COL20A1: variants seen among roughly 807,000 people sequenced by gnomAD.
The protein encoded by COL20A1 is collagen type XX alpha 1 chain.
COL20A1 carries 164 observed loss-of-function variants against 152.9 expected under a neutral mutation model. That is an observed-to-expected ratio of 1.07 (90% CI 0.94 to 1.22). COL20A1 has a LOEUF of 1.22. Among genes scored for constraint, COL20A1 ranks in the 50% most tolerant of loss-of-function variants. The pLI, the probability that COL20A1 is intolerant of heterozygous loss-of-function variation, is 0.00. For missense variants in COL20A1, 1,873 were observed against 1,744.8 expected (o/e 1.07, Z -1.31); for synonymous variants, 864 against 756.0 (o/e 1.14, Z -2.34).
intron 35 of COL20A1, among the ~76,000 whole-genome samples, chr20:63,329,869 G>A (rs372416635): frequency 3.3e-5 from 5 of 150,308 alleles, no homozygotes; most frequent in African/African-American, 9.6e-5. Flanking sequence ...GTCACAGGGT[G>A]TGGGGTCACA....
chr20:63,328,331 C>T lies in COL20A1; in HGVS notation c.3614C>T (p.Ser1205Leu). The T allele has an allele frequency of 6.2e-7, 1 of 1,610,524 alleles. No individual in the cohort carries two copies. The highest frequency in any genetic ancestry group is 8.5e-7 in the Non-Finnish European group (1 of 1,178,470). ...CTGCTGACACCCCTCCTCCCCACAG[C>T]ACACGTGTCAAAGTTCGACTCCTTC... ...ATLYQLVSQA[S>L]HVSKFDSFHE... The change falls in exon 34 of 36, where the codon TCA (serine) becomes TTA (leucine). Residue 1205 changes from serine (S) to leucine (L), a missense_variant and splice_region_variant. By Grantham distance (145) the Ser-to-Leu change is moderately radical. Transcript: ENST00000358894.
At position 63,327,986 on chromosome 20, in the gene COL20A1, A is replaced by C. The variant is rs1225249004; in HGVS notation, c.3563A>C (p.Lys1188Thr). The part of the protein sequence containing the change: ...LPGPKGERGE[K>T]GEPQSLATLY... ...GGGCCCAAAGGGGAACGAGGAGAGA[A>C]GGTAAGTGAGGCTGAGATCTTTGGC... Residue 1188 changes from lysine (K) to threonine (T), a missense_variant and splice_region_variant, in exon 32 of 36, where the codon AAG (lysine) becomes ACG (threonine). Transcript: ENST00000358894. 4 of 1,608,830 alleles carry C rather than the reference A, an allele frequency of 2.5e-6. No homozygotes were observed. The East Asian group carries it at 8.9e-5, about 36-fold the overall frequency.
At chr20:63,330,487 C>T (rs931251928) in intron 35 of COL20A1, among the ~76,000 whole-genome samples, 9 of 152,138 alleles carry the variant, frequency 5.9e-5, no homozygotes, top group Admixed American at 1.3e-4. Context: ...AACAAGCAGC[C>T]TTGCTTCTCC....
chr20:63,315,431 C>A lies in COL20A1; in HGVS notation c.2516C>A (p.Ser839Tyr). 3 of 1,578,604 alleles carry A rather than the reference C, an allele frequency of 1.9e-6. No homozygotes were observed. Among genetic ancestry groups the A allele is most frequent in the Non-Finnish European group, 2.6e-6 (3 of 1,167,300 alleles). ...TGCCCAGCCCTCCGCCCTGACGGCT[C>A]CCTCCCAGGTGGGTCCTGCATGCCC... The part of the protein sequence containing the change: ...TACPALRPDG[S>Y]LPGFDLMVAF... Residue 839 changes from serine to tyrosine, a missense_variant, in exon 20 of 36, where the codon TCC becomes TAC. Physicochemically the swap from Ser to Tyr is moderately radical, Grantham distance 144. Coordinates refer to ENST00000358894, the MANE Select transcript of COL20A1 (RefSeq NM_020882.4).
At chr20:63,317,295 C>T (rs3803935) in intron 21 of COL20A1, among the ~76,000 whole-genome samples, 34,079 of 151,772 alleles carry the variant, frequency 0.22, 4,114 homozygotes, top group East Asian at 0.39. Context: ...AAGACCCCAT[C>T]TCTACAAATA....
chr20:63,306,555 C>T lies in COL20A1; in HGVS notation c.496+516C>T, dbSNP rs935003928. On this transcript the variant is annotated intron_variant, in intron 5 of 35. Transcript: ENST00000358894. This position sits in a 1 kb window ranked among gnomAD's most constrained non-coding sequence, Gnocchi z 6.9. ...CCCAGGAGTGGGATCAGGAGCAGAG[C>T]TGGTCCGGGGGCCCTGGAGGGAGGG... Among the ~76,000 whole-genome samples the T allele has an allele frequency of 1.3e-5, 2 of 152,094 alleles. No homozygotes were observed. The highest frequency in any genetic ancestry group is 6.5e-5 in the Admixed American group (1 of 15,284).
chr20:63,302,203 T>C (rs762850265), intron 3 of COL20A1, among the ~76,000 whole-genome samples: 2 of 152,256 alleles, frequency 1.3e-5, no homozygotes, highest in Non-Finnish European at 2.9e-5. Flanking sequence ...TCAATATGTT[T>C]CTCTAAAAGA....
At position 63,319,472 on chromosome 20, in the gene COL20A1, C is replaced by A; in HGVS notation, c.2807-15C>A. On this transcript the variant is annotated splice_polypyrimidine_tract_variant and intron_variant, in intron 22 of 35. Coordinates refer to ENST00000358894, the MANE Select transcript of COL20A1 (RefSeq NM_020882.4). The surrounding 1 kb of genome is among the most constrained non-coding windows in gnomAD (Gnocchi z 4.4). The stretch of plus-strand genomic sequence containing the variant: ...TTGCAGCCCGTTCTCACCTGCTCCA[C>A]CCCTTCCCTGGCAGCCGGGAAGAAG... The A allele has an allele frequency of 6.4e-6, 10 of 1,551,084 alleles. 1 individual carries two copies. The South Asian group carries it at 1.1e-4, about 17-fold the overall frequency.
intron 30 of COL20A1, 79 bp downstream of exon 30, chr20:63,326,228 C>A: frequency 9.1e-7 from 1 of 1,099,908 alleles, no homozygotes; most frequent in Non-Finnish European, 1.4e-6. Flanking sequence ...CCAGTCTGAA[C>A]ACCAGCTGCC....
intron 21 of COL20A1, among the ~76,000 whole-genome samples, chr20:63,318,740 ATCC>A (rs1459990392): frequency 2.6e-5 from 4 of 152,124 alleles, no homozygotes; most frequent in African/African-American, 7.2e-5. Flanking sequence ...CTTCTGTTGA[ATCC>A]TCCTCATTCA....
At chr20:63,327,904 G>T in intron 31 of COL20A1, 48 bp from the exon 32 acceptor site, 1 of 1,555,966 alleles carries the variant, frequency 6.4e-7, no homozygotes, top group Non-Finnish European at 8.7e-7. Flanking sequence ...GTCACGTGTG[G>T]TCTCAGGCCA....
rs867428087 is a variant in COL20A1 at position 63,308,421 on chromosome 20, G to A, written c.776-121G>A. 8.3e-5 allele frequency: 84 copies of A among 1,014,868 alleles called. 1 individual carries two copies. Among genetic ancestry groups the A allele is most frequent in the Admixed American group, 2.0e-4 (7 of 35,010 alleles). 62.9% of individuals were successfully genotyped at this position (1,014,868 alleles called of 1,614,324 possible). ...CCTCCCTGCTCCCTTGGGCTGCTGCGGGGCCTCCTGATACCCCACAAGGGA... is the reference window on the plus strand; with the variant it reads ...CCTCCCTGCTCCCTTGGGCTGCTGCAGGGCCTCCTGATACCCCACAAGGGA... On this transcript the variant is annotated intron_variant, in intron 7 of 35. Coordinates refer to ENST00000358894, the MANE Select transcript of COL20A1 (RefSeq NM_020882.4).
chr20:63,302,319 T>C (rs1035787321), intron 3 of COL20A1, among the ~76,000 whole-genome samples: 4 of 152,170 alleles, frequency 2.6e-5, no homozygotes, highest in Non-Finnish European at 5.9e-5. Context: ...TGCATGTCTT[T>C]TATTAATTAA....
rs1233126787 is a variant in COL20A1, at chr20:63,332,533, A to G, written c.*1817A>G. 1 of 152,262 alleles carries G rather than the reference A, an allele frequency of 6.6e-6. No homozygotes were observed. The highest frequency in any genetic ancestry group is 1.5e-5 in the Non-Finnish European group (1 of 68,066). The allele number at this position is 152,262 out of a possible 1,614,324, so 9.4% of individuals were successfully genotyped here. A position where few individuals can be genotyped will look rare whatever the true frequency, so the allele number is the denominator to read the frequency against. ...GCCCACAGGGCATCCAGAGCCTTCC[A>G]AAGGAGCCCCTCTCCTGGGGCTCTC... On this transcript the variant is annotated 3_prime_UTR_variant, in exon 36 of 36. Coordinates refer to ENST00000358894, the MANE Select transcript of COL20A1 (RefSeq NM_020882.4).
In COL20A1 at chr20:63,297,495, C is replaced by T. The variant is rs541837328; in HGVS notation, c.83-415C>T. Among the ~76,000 whole-genome samples the T allele has an allele frequency of 3.9e-5, 6 of 152,344 alleles. No homozygotes were observed. The South Asian group carries it at 1.0e-3, about 26-fold the overall frequency. ...AGCTCAGGGGACTCAGCTCAGGGCC[C>T]TGGGCAGGTTGCCAGCTGCTGTGTT... On this transcript the variant is annotated intron_variant, in intron 2 of 35. Coordinates refer to ENST00000358894, the MANE Select transcript of COL20A1 (RefSeq NM_020882.4).
rs373061458 is a variant in COL20A1, at chr20:63,310,338, G to A, written c.1264-43G>A. The A allele has an allele frequency of 4.1e-5, 66 of 1,602,674 alleles. 1 individual carries two copies. The highest frequency in any genetic ancestry group is 2.0e-4 in the East Asian group (9 of 44,370). Reference sequence around the variant, plus strand: ...GTTCCTGTCCTGCTCCCCATCCCCCGGCACCCCCCTTCCTGGCTCCGTCCT... The same window carrying A: ...GTTCCTGTCCTGCTCCCCATCCCCCAGCACCCCCCTTCCTGGCTCCGTCCT... On this transcript the variant is annotated intron_variant, in intron 10 of 35. Transcript: ENST00000358894.
intron 11 of COL20A1, among the ~76,000 whole-genome samples, chr20:63,310,858 C>T (rs77162800): frequency 0.019 from 2,941 of 152,186 alleles, 62 homozygotes; most frequent in African/African-American, 0.049. Context: ...GCCATGAGCC[C>T]GTCTGTAATA....
At position 63,308,584 on chromosome 20, in the gene COL20A1, C is replaced by T. The variant is rs368479169; in HGVS notation, c.818C>T (p.Ala273Val). The change falls in exon 8 of 36, where the codon GCG (alanine) becomes GTG (valine). Residue 273 changes from alanine to valine, a missense_variant. Coordinates refer to ENST00000358894, the MANE Select transcript of COL20A1 (RefSeq NM_020882.4). The part of the protein sequence containing the change: ...THVLGQNLQP[A>V]AGLRPEAAKV... Reference sequence around the variant, plus strand: ...GTGCTGGGGCAGAACCTGCAGCCGGCGGCTGGCCTCCGTCCAGAGGCAGCC... The same window carrying T: ...GTGCTGGGGCAGAACCTGCAGCCGGTGGCTGGCCTCCGTCCAGAGGCAGCC... The T allele has an allele frequency of 3.0e-5, 48 of 1,604,566 alleles. No individual in the cohort carries two copies. Among genetic ancestry groups the T allele is most frequent in the Non-Finnish European group, 3.3e-5 (39 of 1,176,392 alleles).
Position 63,331,923 on chromosome 20 carries a change from T to A in COL20A1, c.*1207T>A, listed in dbSNP as rs1029342672. Reference sequence around the variant, plus strand: ...AAACAGCTTCAGGGCAAACACTTCATCTATGATTCAACTGTTCCAGGAACT... The same window carrying A: ...AAACAGCTTCAGGGCAAACACTTCAACTATGATTCAACTGTTCCAGGAACT... On this transcript the variant is annotated 3_prime_UTR_variant, in exon 36 of 36. Coordinates refer to ENST00000358894, the MANE Select transcript of COL20A1 (RefSeq NM_020882.4). 1 of 152,136 alleles carries A rather than the reference T, an allele frequency of 6.6e-6. No individual in the cohort carries two copies. Among genetic ancestry groups the A allele is most frequent in the African/African-American group, 2.4e-5 (1 of 41,400 alleles). 9.4% of individuals were successfully genotyped at this position (152,136 alleles called of 1,614,324 possible).
Sources: gnomAD v4.1 joint callset for allele counts (sites outside exome capture counted in the v4.1 genomes callset) on GRCh38, gnomAD v4.1.1 for gene constraint, Gnocchi (gnomAD v3.1) non-coding constraint, MANE v1.5 for transcripts, NCBI Gene and HGNC (gene_info 2026-07-23, HGNC 2026-07-21) for gene names.